The following FAM178B variants were observed in gnomAD, a reference collection of about 807,000 sequenced individuals.
FAM178B encodes the protein family with sequence similarity 178 member B.
Under a neutral mutation model 91.7 loss-of-function variants are expected in FAM178B, and 82 were observed. The ratio of observed to expected loss-of-function variants is 0.89; its 90% CI spans 0.75 to 1.07. FAM178B has a LOEUF of 1.07. Among genes scored for constraint, FAM178B ranks in the 50% least tolerant of loss-of-function variants. The pLI is 0.00. For synonymous variants in FAM178B, 368 were observed against 359.4 expected (o/e 1.02, Z -0.27); for missense variants, 769 against 846.7 (o/e 0.91, Z 1.14).
chr2:96,963,320 T>G lies in FAM178B; in HGVS notation c.735-2880A>C, dbSNP rs554629118. On this transcript the variant is annotated intron_variant, in intron 5 of 16. Transcript: ENST00000490605. ...GTGGAGAACCTGGAAACCAAATCCA[T>G]GCACCTCAGCTCAGAGAGAAAGTTG... Among the ~76,000 whole-genome samples, 13 of 152,352 alleles carry G rather than the reference T, an allele frequency of 8.5e-5. 1 individual carries two copies. The highest frequency in any genetic ancestry group is 1.5e-4 in the Non-Finnish European group (10 of 68,028).
At chr2:96,977,372 G>A (rs1212652554) in intron 1 of FAM178B, among the ~76,000 whole-genome samples, 4 of 121,920 alleles carry the variant, frequency 3.3e-5, no homozygotes, top group African/African-American at 9.4e-5. Flanking sequence ...GCGACAGAGC[G>A]AGACTCCGTC....
At chr2:96,956,453 A>G (rs2082001223) in intron 6 of FAM178B, among the ~76,000 whole-genome samples, 1 of 152,232 alleles carries the variant, frequency 6.6e-6, no homozygotes, top group Non-Finnish European at 1.5e-5. Flanking sequence ...GCAGACGCCA[A>G]GCCCACCCAA....
Position 96,986,463 on chromosome 2 carries a change from C to G in FAM178B, c.-150G>C. ...ACCCCAAGAGTTGCGTCCCTAGATC[C>G]AGGGCCGCCAACGTGGAACCTAAAG... On this transcript the variant is annotated 5_prime_UTR_variant, in exon 1 of 17. Coordinates refer to ENST00000490605, the MANE Select transcript of FAM178B (RefSeq NM_001122646.3). 1.1e-6 allele frequency: 1 copy of G among 878,064 alleles called. No individual in the cohort carries two copies. The highest frequency in any genetic ancestry group is 1.7e-6 in the Non-Finnish European group (1 of 595,976). The allele number at this position is 878,064 out of a possible 1,614,324, so 54.4% of individuals were successfully genotyped here.
At position 96,958,303 on chromosome 2, in the gene FAM178B, C is replaced by T. The variant is rs185478178; in HGVS notation, c.887+1985G>A. On this transcript the variant is annotated intron_variant, in intron 6 of 16. Transcript: ENST00000490605. The stretch of plus-strand genomic sequence containing the variant: ...GCCAGGATGGTCTCGATCTCCTGAC[C>T]TCATGATCCGCCCGCCTCGGCCTCC... Among the ~76,000 whole-genome samples the T allele has an allele frequency of 2.6e-3, 396 of 152,252 alleles. 3 individuals are homozygous for T. The highest frequency in any genetic ancestry group is 8.4e-3 in the African/African-American group (348 of 41,556).
intron 7 of FAM178B, 149 bp downstream of exon 7, chr2:96,951,230 A>G: frequency 3.2e-6 from 2 of 633,074 alleles, no homozygotes; most frequent in Middle Eastern, 4.2e-4. Flanking sequence ...TCGATGCCCA[A>G]TCAGCTCTCC....
intron 6 of FAM178B, among the ~76,000 whole-genome samples, chr2:96,954,958 A>G (rs1264955639): frequency 6.6e-6 from 1 of 152,114 alleles, no homozygotes; most frequent in Non-Finnish European, 1.5e-5. Context: ...GGCCGAGGCA[A>G]GAGGACCTCT....
intron 14 of FAM178B, 51 bp from the exon 15 acceptor site, chr2:96,878,544 C>T: frequency 6.4e-7 from 1 of 1,554,844 alleles, no homozygotes; most frequent in Non-Finnish European, 8.8e-7. Flanking sequence ...CCCAGGGCAG[C>T]ATGGCGTGCC....
intron 14 of FAM178B, among the ~76,000 whole-genome samples, chr2:96,892,021 G>C (rs2080694164): frequency 1.3e-5 from 2 of 152,222 alleles, no homozygotes; most frequent in African/African-American, 4.8e-5. Flanking sequence ...CCACGGCTCA[G>C]ACCACCACTC....
chr2:96,975,658 TTTC>T (rs1409452350), intron 1 of FAM178B, among the ~76,000 whole-genome samples: 1 of 152,242 alleles, frequency 6.6e-6, no homozygotes, highest in Non-Finnish European at 1.5e-5. Flanking sequence ...CTAAGCCTAA[TTTC>T]TTCTATCAAG....
chr2:96,876,387 G>A (rs1201775408), intron 16 of FAM178B, 79 bp from the exon 17 acceptor site: 2 of 1,533,832 alleles, frequency 1.3e-6, no homozygotes, highest in African/African-American at 1.4e-5. Flanking sequence ...CGGGCTGGCG[G>A]TGTCCATTCA....
intron 12 of FAM178B, among the ~76,000 whole-genome samples, chr2:96,908,140 C>T (rs1006465191): frequency 7.9e-5 from 12 of 152,204 alleles, no homozygotes; most frequent in East Asian, 1.9e-4. Context: ...TTGTCCCTCC[C>T]GGGGGTCTGC....
At position 96,921,573 on chromosome 2, in the gene FAM178B, T is replaced by G. The variant is rs1290359788; in HGVS notation, c.1369A>C (p.Thr457Pro). 6.4e-7 allele frequency: 1 copy of G among 1,551,622 alleles called. No homozygotes were observed. Among genetic ancestry groups the G allele is most frequent in the Middle Eastern group, 1.7e-4 (1 of 5,980 alleles). Residue 457 changes from threonine to proline, a missense_variant, in exon 11 of 17, where the codon ACC (threonine) becomes CCC (proline). Thr to Pro is a conservative substitution (Grantham distance 38). Transcript: ENST00000490605. Reference sequence around the variant, plus strand: ...AGGCGGAGCCCCACGTCCAGGCTGGTGCGGCACAGCAGCTCAATCAGTCCC... The same window carrying G: ...AGGCGGAGCCCCACGTCCAGGCTGGGGCGGCACAGCAGCTCAATCAGTCCC... The part of the protein sequence containing the change: ...LMGLIELLCR[T>P]SLDVGLRLLP...
intron 13 of FAM178B, among the ~76,000 whole-genome samples, chr2:96,896,162 C>T (rs1226682200): frequency 6.6e-6 from 1 of 152,208 alleles, no homozygotes; most frequent in African/African-American, 2.4e-5. Flanking sequence ...TTTGGGCAGG[C>T]CTCGCCCAGC....
intron 1 of FAM178B, among the ~76,000 whole-genome samples, chr2:96,985,472 T>C (rs1177281862): frequency 6.6e-6 from 1 of 152,170 alleles, no homozygotes; most frequent in African/African-American, 2.4e-5. Context: ...TCATCCTCCC[T>C]CGCGTCCTCG....
At chr2:96,906,886 TG>T (rs1168968634) in intron 12 of FAM178B, among the ~76,000 whole-genome samples, 1 of 152,240 alleles carries the variant, frequency 6.6e-6, no homozygotes, top group Non-Finnish European at 1.5e-5. Flanking sequence ...AGTCTGCATC[TG>T]GGCTTCATTA....
chr2:96,970,854 T>A, intron 3 of FAM178B, 77 bp from the exon 4 acceptor site: 1 of 991,956 alleles, frequency 1.0e-6, no homozygotes, highest in South Asian at 1.4e-5. Context: ...AAAACTAAAT[T>A]AAGCCCTTTA....
chr2:96,895,153 A>T (rs2080796401), intron 13 of FAM178B: 1 of 1,270,154 alleles, frequency 7.9e-7, no homozygotes, highest in Non-Finnish European at 1.0e-6. Context: ...CTTCCAGGGG[A>T]TTTTAAAGCA....
At chr2:96,962,951 T>C (rs1199573883) in intron 5 of FAM178B, among the ~76,000 whole-genome samples, 2 of 152,190 alleles carry the variant, frequency 1.3e-5, no homozygotes, top group Admixed American at 6.5e-5. Flanking sequence ...CACTGGTGAA[T>C]GACTTTTGTA....
intron 13 of FAM178B, among the ~76,000 whole-genome samples, chr2:96,901,383 G>T (rs544898330): frequency 2.0e-5 from 3 of 151,194 alleles, no homozygotes; most frequent in Non-Finnish European, 4.4e-5. Flanking sequence ...CATGTTGGTC[G>T]GGCTGGTCTC....
Sources: allele counts gnomAD v4.1 joint callset (sites outside exome capture counted in the v4.1 genomes callset), GRCh38; gene constraint gnomAD v4.1.1; transcripts MANE v1.5; gene names NCBI Gene and HGNC (gene_info 2026-07-23, HGNC 2026-07-21).